Variants in EDEM1 observed in about 807,000 individuals in gnomAD.
The protein encoded by EDEM1 is ER degradation enhancing alpha-mannosidase like protein 1, also known as ER degradation-enhancing alpha-mannosidase-like protein 1.
A neutral mutation model predicts 74.4 loss-of-function variants in EDEM1; 67 were observed. The ratio of observed to expected loss-of-function variants is 0.90; its 90% CI spans 0.74 to 1.10. The LOEUF (loss-of-function observed/expected upper bound fraction) is 1.10. Ranked by LOEUF, EDEM1 falls within the 50% of genes least tolerant of loss-of-function variation. The pLI is 0.00. For synonymous variants in EDEM1, 382 were observed against 335.9 expected, an observed-to-expected ratio of 1.14 and a Z score of -1.50; for missense variants, 926 against 851.6, an observed-to-expected ratio of 1.09 and a Z score of -1.09.
rs181379428 is a variant in EDEM1 at position 5,219,684 on chromosome 3, A to T, written c.*3766A>T. 161 of 152,780 alleles carry T rather than the reference A, an allele frequency of 1.1e-3. 1 individual carries two copies. The highest frequency in any genetic ancestry group is 3.8e-3 in the African/African-American group (156 of 41,584). The allele number at this position is 152,780 out of a possible 1,614,324, so 9.5% of individuals were successfully genotyped here. A position where few individuals can be genotyped will look rare whatever the true frequency, so the allele number is the denominator to read the frequency against. The stretch of plus-strand genomic sequence containing the variant: ...TGCATTTTTATTTATTTTGCATAAG[A>T]AAGGTAAATCTTTTTACAAAAAAAA... On this transcript the variant is annotated 3_prime_UTR_variant, in exon 12 of 12. Transcript: ENST00000256497.
intron 10 of EDEM1, chr3:5,211,555 T>C (rs191367360): frequency 3.3e-6 from 1 of 306,492 alleles, no homozygotes; most frequent in East Asian, 7.6e-5. Flanking sequence ...GTGTTCATAA[T>C]GGCTTCTCAC....
At chr3:5,192,433 A>G (rs1170745782) in intron 1 of EDEM1, among the ~76,000 whole-genome samples, 1 of 152,232 alleles carries the variant, frequency 6.6e-6, no homozygotes, top group Non-Finnish European at 1.5e-5. Context: ...AAAATTTTCT[A>G]TCAAAGGCCA....
chr3:5,206,554 T>C (rs1427894062), intron 6 of EDEM1, among the ~76,000 whole-genome samples: 1 of 152,228 alleles, frequency 6.6e-6, no homozygotes, highest in Non-Finnish European at 1.5e-5. Context: ...CCAGTTTCAG[T>C]GCAAGTTATA....
intron 5 of EDEM1, among the ~76,000 whole-genome samples, chr3:5,204,232 A>C (rs138295301): frequency 6.6e-6 from 1 of 152,084 alleles, no homozygotes; most frequent in East Asian, 1.9e-4. Context: ...ACTTCTATAT[A>C]TTTTTCATTA....
At position 5,188,234 on chromosome 3, in the gene EDEM1, C is replaced by G. The variant is rs762992893; in HGVS notation, c.429C>G (p.Asp143Glu). 1 of 1,585,124 alleles carries G rather than the reference C, an allele frequency of 6.3e-7. No homozygotes were observed. ...LARGMFVFGYDNYMAHAFPQD... is the reference protein window; with the variant it reads ...LARGMFVFGYENYMAHAFPQD... ...GGGGCATGTTCGTCTTTGGCTACGA[C>G]AACTACATGGCTCACGCCTTCCCCC... Residue 143 changes from aspartate to glutamate, a missense_variant, in exon 1 of 12, where the codon GAC becomes GAG. Physicochemically the swap from Asp to Glu is conservative, Grantham distance 45. Coordinates refer to ENST00000256497, the MANE Select transcript of EDEM1 (RefSeq NM_014674.3).
intron 9 of EDEM1, among the ~76,000 whole-genome samples, 180 bp downstream of exon 9, chr3:5,210,428 C>G (rs570601981): frequency 1.2e-3 from 182 of 152,280 alleles, no homozygotes; most frequent in Middle Eastern, 3.4e-3. Flanking sequence ...GAGAACTGCC[C>G]TTTCTTTTCC....
intron 11 of EDEM1, among the ~76,000 whole-genome samples, chr3:5,215,593 G>C (rs1454471313): frequency 6.6e-6 from 1 of 152,204 alleles, no homozygotes; most frequent in East Asian, 1.9e-4. Context: ...CATTGGAACA[G>C]CGTCTGGAGA....
chr3:5,199,809 G>A, intron 3 of EDEM1, 114 bp downstream of exon 3: 1 of 707,172 alleles, frequency 1.4e-6, no homozygotes, highest in South Asian at 1.9e-5. Context: ...GTCCATATGG[G>A]CTTTATGGGT....
intron 11 of EDEM1, among the ~76,000 whole-genome samples, 196 bp from the exon 12 acceptor site, chr3:5,215,633 G>A (rs761348155): frequency 5.9e-5 from 9 of 152,160 alleles, no homozygotes; most frequent in African/African-American, 9.7e-5. Flanking sequence ...TGAGGCGTAG[G>A]AGTTGCCACT....
At chr3:5,204,320 T>C (rs932540375) in intron 5 of EDEM1, among the ~76,000 whole-genome samples, 12 of 152,168 alleles carry the variant, frequency 7.9e-5, no homozygotes, top group Admixed American at 1.3e-4. Context: ...GCATTCATAA[T>C]GACCACTTTT....
chr3:5,196,657 A>T (rs1359901643), intron 2 of EDEM1, among the ~76,000 whole-genome samples: 2 of 152,182 alleles, frequency 1.3e-5, no homozygotes, highest in Non-Finnish European at 2.9e-5. Context: ...TGGGGTACTG[A>T]TTTAGTATAA....
At chr3:5,188,429 C>G in intron 1 of EDEM1, 115 bp downstream of exon 1, 1 of 1,185,400 alleles carries the variant, frequency 8.4e-7, no homozygotes, top group Non-Finnish European at 1.1e-6. Flanking sequence ...CCGTTAGGGT[C>G]CCGGGCAGCG....
In EDEM1 at chr3:5,218,685, C is replaced by G. The variant is rs926136148; in HGVS notation, c.*2767C>G. 6.6e-6 allele frequency: 1 copy of G among 152,140 alleles called. No homozygotes were observed. Among genetic ancestry groups the G allele is most frequent in the Non-Finnish European group, 1.5e-5 (1 of 68,036 alleles). 9.4% of individuals were successfully genotyped at this position (152,140 alleles called of 1,614,324 possible). A position where few individuals can be genotyped will look rare whatever the true frequency, so the allele number is the denominator to read the frequency against. ...AGTTGGCTTGACAAAGCATAATTCT[C>G]TCATAACAAACTTTCAAATCATTAC... On this transcript the variant is annotated 3_prime_UTR_variant, in exon 12 of 12. Transcript: ENST00000256497.
rs191733534 is a variant in EDEM1, at chr3:5,195,296, T to C, written c.582+15T>C. ...ATACACTTGCAGTAAGTGTTCACCT[T>C]TTTTTAAAAAAATGAATTAAGATGT... On this transcript the variant is annotated intron_variant, in intron 2 of 11. Transcript: ENST00000256497. 2.4e-5 allele frequency: 36 copies of C among 1,511,982 alleles called. No homozygotes were observed. The African/African-American group carries it at 4.5e-4, about 19-fold the overall frequency. The allele number at this position is 1,511,982 out of a possible 1,614,324, so 93.7% of individuals were successfully genotyped here.
chr3:5,188,335 G>A, intron 1 of EDEM1, 21 bp downstream of exon 1: 9 of 1,405,728 alleles, frequency 6.4e-6, no homozygotes, highest in Non-Finnish European at 8.4e-6. Context: ...CCCGCCGCCC[G>A]GGGCCGCGCG....
At position 5,188,014 on chromosome 3, in the gene EDEM1, C is replaced by A. The variant is rs763827559; in HGVS notation, c.209C>A (p.Ser70Ter). ...CGGCCTGGGGGGGTATCCGGGCCGT[C>A]GTGGCTGCAGCCGCCGGGGACCGGG... Reference protein sequence around the residue: ...VGRPGGVSGPSWLQPPGTGAA... With the variant: ...VGRPGGVSGP The change falls in exon 1 of 12, where the codon TCG becomes TAG. Residue 70 changes from serine (S) to a stop codon, truncating the protein, a stop_gained. Coordinates refer to ENST00000256497, the MANE Select transcript of EDEM1 (RefSeq NM_014674.3). LOFTEE classifies it high-confidence loss of function. The A allele has an allele frequency of 6.8e-7, 1 of 1,477,662 alleles. No individual in the cohort carries two copies. The highest frequency in any genetic ancestry group is 1.3e-5 in the South Asian group (1 of 75,822). 91.5% of individuals were successfully genotyped at this position (1,477,662 alleles called of 1,614,324 possible). A position where few individuals can be genotyped will look rare whatever the true frequency, so the allele number is the denominator to read the frequency against.
chr3:5,204,991 A>G (rs2055077102), intron 5 of EDEM1, 76 bp from the exon 6 acceptor site: 2 of 1,520,170 alleles, frequency 1.3e-6, no homozygotes, highest in Non-Finnish European at 1.8e-6. Context: ...GTGTGGTTGG[A>G]GTAGGAGGCC....
At chr3:5,193,961 T>C (rs1408420605) in intron 1 of EDEM1, among the ~76,000 whole-genome samples, 4 of 152,228 alleles carry the variant, frequency 2.6e-5, no homozygotes, top group African/African-American at 9.6e-5. Context: ...ACAAGGCAAC[T>C]GGAGGGTTCA....
At chr3:5,196,709 G>C (rs1483571555) in intron 2 of EDEM1, among the ~76,000 whole-genome samples, 1 of 152,148 alleles carries the variant, frequency 6.6e-6, no homozygotes, top group Non-Finnish European at 1.5e-5. Flanking sequence ...ATCTCCTTCT[G>C]AAGTTATTGC....
Sources: allele counts gnomAD v4.1 joint callset (sites outside exome capture counted in the v4.1 genomes callset), GRCh38; gene constraint gnomAD v4.1.1; transcripts MANE v1.5; gene names NCBI Gene and HGNC (gene_info 2026-07-23, HGNC 2026-07-21).